The following CEP350 variants were observed in gnomAD, a reference collection of about 807,000 sequenced individuals.
The protein encoded by CEP350 is centrosome-associated protein 350.
CEP350 carries 126 observed loss-of-function variants against 331.8 expected under a neutral mutation model. The ratio of observed to expected loss-of-function variants is 0.38; its 90% confidence interval spans 0.33 to 0.44. The LOEUF is 0.44. Ranked by LOEUF, CEP350 falls within the 20% of genes least tolerant of loss-of-function variation. CEP350 has a pLI of 1.00. For missense variants in CEP350, 3,406 were observed against 3,634.6 expected (o/e 0.94, Z 1.62); for synonymous variants, 1,200 against 1,259.5 (o/e 0.95, Z 1.00).
chr1:180,012,020 A>G lies in CEP350; in HGVS notation c.1338A>G (p.Lys446=). 1 of 1,582,576 alleles carries G rather than the reference A, an allele frequency of 6.3e-7. No homozygotes were observed. The highest frequency in any genetic ancestry group is 8.6e-7 in the Non-Finnish European group (1 of 1,163,154). Residue 446 remains lysine (K), a synonymous_variant, in exon 9 of 38, where the codon AAA becomes AAG. Coordinates refer to ENST00000367607, the MANE Select transcript of CEP350 (RefSeq NM_014810.5). ...GACCTGCTCCCAGAATGGAGCCAAA[A>G]GAGCAAAGAACAGCATCAAGTGACA... is the stretch of plus-strand genomic sequence containing the variant. ...ILGPAPRMEP[K]EQRTASSDRG... is the part of the protein sequence containing the mutation.
At chr1:180,045,195 A>G (rs1374684709) in intron 21 of CEP350, among the ~76,000 whole-genome samples, 4 of 152,118 alleles carry the variant, frequency 2.6e-5, no homozygotes, top group African/African-American at 9.7e-5. Flanking sequence ...AACAAAAATT[A>G]GCCATGCGTG....
chr1:180,015,522 C>G (rs1430248960), intron 10 of CEP350, among the ~76,000 whole-genome samples: 1 of 152,148 alleles, frequency 6.6e-6, no homozygotes, highest in African/African-American at 2.4e-5. Context: ...GCGTGAGCCA[C>G]CGCTCCTGGC....
intron 30 of CEP350, among the ~76,000 whole-genome samples, chr1:180,083,720 A>C (rs2149094926): frequency 6.6e-6 from 1 of 152,334 alleles, no homozygotes; most frequent in African/African-American, 2.4e-5. Context: ...TTCCAGCTGC[A>C]TGTCTTACCA....
rs747227145 is a variant in CEP350, at chr1:180,056,258, G to A, written c.5262+1756G>A. 2.6e-4 allele frequency among the ~76,000 whole-genome samples: 39 copies of A among 152,176 alleles called. No individual in the cohort carries two copies. In the Middle Eastern group the frequency reaches 0.027, roughly 106 times the overall value. On this transcript the variant is annotated intron_variant, in intron 25 of 37. Coordinates refer to ENST00000367607, the MANE Select transcript of CEP350 (RefSeq NM_014810.5). The stretch of plus-strand genomic sequence containing the variant: ...TACTGCTTTCCATTGTTTATGTGGA[G>A]AGGTCAGTTATCTTAATCTTGTTCT...
intron 5 of CEP350, among the ~76,000 whole-genome samples, chr1:179,993,650 A>T (rs1280470766): frequency 8.9e-6 from 1 of 112,454 alleles, no homozygotes; most frequent in Non-Finnish European, 2.0e-5. Flanking sequence ...TCTTGAACTC[A>T]TGGGGTGGTC....
chr1:180,104,640 C>T (rs762704944), intron 37 of CEP350, among the ~76,000 whole-genome samples: 5 of 152,172 alleles, frequency 3.3e-5, no homozygotes, highest in Non-Finnish European at 5.9e-5. Flanking sequence ...TCTCTCACCT[C>T]TCTTTCTCAG....
rs1281416452 is a variant in CEP350 at position 180,093,140 on chromosome 1, A to G, written c.7035A>G (p.Gln2345=). ...ATATGAATCATAGTCCAAACATCCAATCAGGAAAAGACATTCACGAACAAA... is the reference window on the plus strand; with the variant it reads ...ATATGAATCATAGTCCAAACATCCAGTCAGGAAAAGACATTCACGAACAAA... The part of the protein sequence containing the change: ...DQDMNHSPNI[Q]SGKDIHEQKN... Residue 2345 remains glutamine (Q), a synonymous_variant, in exon 34 of 38, where the codon CAA becomes CAG. Transcript: ENST00000367607. 2 of 1,601,164 alleles carry G rather than the reference A, an allele frequency of 1.2e-6. No individual in the cohort carries two copies. The highest frequency in any genetic ancestry group is 2.2e-5 in the South Asian group (2 of 88,918).
rs1033208940 is a variant in CEP350 at position 180,044,571 on chromosome 1, A to G, written c.4622+398A>G. 7.3e-5 allele frequency among the ~76,000 whole-genome samples: 11 copies of G among 151,188 alleles called. No individual in the cohort carries two copies. The East Asian group carries it at 2.2e-3, about 30-fold the overall frequency. On this transcript the variant is annotated intron_variant, in intron 21 of 37. Transcript: ENST00000367607. ...AAACCATCATTCTCAGCAAACTATCACAAGGACAAAAAACCAAACACCGCA... is the reference window on the plus strand; with the variant it reads ...AAACCATCATTCTCAGCAAACTATCGCAAGGACAAAAAACCAAACACCGCA...
intron 26 of CEP350, among the ~76,000 whole-genome samples, chr1:180,062,707 T>A (rs1302139525): frequency 6.6e-6 from 1 of 152,220 alleles, no homozygotes; most frequent in African/African-American, 2.4e-5. Context: ...GGGGGCTGAG[T>A]GTGCTAGCTC....
In CEP350 at chr1:180,092,793, C is replaced by T. The variant is rs954809915; in HGVS notation, c.6688C>T (p.His2230Tyr). ...TTCTCTAGAAAATGTACCTGCATTA[C>T]ATCTTCTCAAAGAATTAAATGCCAC... The part of the protein sequence containing the change: ...GDSLENVPAL[H>Y]LLKELNATSR... Residue 2230 changes from histidine (H) to tyrosine (Y), a missense_variant, in exon 34 of 38, where the codon CAT (histidine) becomes TAT (tyrosine). Transcript: ENST00000367607. 1 of 1,575,792 alleles carries T rather than the reference C, an allele frequency of 6.3e-7. No individual in the cohort carries two copies. Among genetic ancestry groups the T allele is most frequent in the African/African-American group, 1.3e-5 (1 of 74,102 alleles).
intron 25 of CEP350, among the ~76,000 whole-genome samples, chr1:180,057,475 A>G (rs1571934649): frequency 6.8e-6 from 1 of 147,778 alleles, no homozygotes. Flanking sequence ...GTCTGCTTGT[A>G]TGTGGCCATG....
Position 180,094,446 on chromosome 1 carries a change from A to G in CEP350, c.8341A>G (p.Ile2781Val). ...QQIKKTRDEK[I>V]QLSNQELLGD... is the part of the protein sequence containing the mutation. The stretch of plus-strand genomic sequence containing the variant: ...AATCAAAAAAACCAGGGATGAGAAA[A>G]TCCAGCTTAGCAATCAGGAGCTTCT... The change falls in exon 34 of 38, where the codon ATC becomes GTC. Residue 2781 changes from isoleucine to valine, a missense_variant. Physicochemically the swap from Ile to Val is conservative, Grantham distance 29 (BLOSUM62 3). Transcript: ENST00000367607. The G allele has an allele frequency of 1.2e-6, 2 of 1,613,864 alleles. No homozygotes were observed. The highest frequency in any genetic ancestry group is 1.7e-6 in the Non-Finnish European group (2 of 1,179,820).
chr1:180,075,247 C>T, intron 28 of CEP350, 26 bp downstream of exon 28: 1 of 1,554,962 alleles, frequency 6.4e-7, no homozygotes, highest in Admixed American at 1.9e-5. Flanking sequence ...TCTGTTCACA[C>T]TACAAACTAA....
At chr1:180,025,244 G>T (rs1219030557) in intron 14 of CEP350, among the ~76,000 whole-genome samples, 1 of 151,876 alleles carries the variant, frequency 6.6e-6, no homozygotes, top group Non-Finnish European at 1.5e-5. Context: ...TTTGCAGTTG[G>T]TTTTTTAAAA....
chr1:179,976,307 C>G (rs1651866541), intron 1 of CEP350, among the ~76,000 whole-genome samples: 3 of 151,868 alleles, frequency 2.0e-5, no homozygotes, highest in Non-Finnish European at 4.4e-5. Context: ...AAGGACTGTT[C>G]ATAACAAAGT....
At chr1:180,087,849 C>A (rs1284203266) in intron 32 of CEP350, 132 bp downstream of exon 32, 2 of 995,000 alleles carry the variant, frequency 2.0e-6, no homozygotes, top group Non-Finnish European at 2.7e-6. Context: ...TTTTTAGTGT[C>A]AGTAAATTAA....
At position 180,036,926 on chromosome 1, in the gene CEP350, G is replaced by T; in HGVS notation, c.3947G>T (p.Gly1316Val). ...ATTTGACCATTGTCATGCCTTCCAG[G>T]TTCTAAGCGCTTTTCTCCTGCTGGC... ...TTTENMAPIP[G>V]SKRFSPAGLH... The change falls in exon 17 of 38, where the codon GGT becomes GTT. Residue 1316 changes from glycine (G) to valine (V), a missense_variant and splice_region_variant. Around this residue, in one of 5 missense-constraint regions of CEP350, gnomAD observed 1,857 missense variants for 1,909.2 expected, o/e 0.97. Coordinates refer to ENST00000367607, the MANE Select transcript of CEP350 (RefSeq NM_014810.5). 2.6e-6 allele frequency: 4 copies of T among 1,554,250 alleles called. No individual in the cohort carries two copies. Among genetic ancestry groups the T allele is most frequent in the Non-Finnish European group, 3.5e-6 (4 of 1,152,502 alleles).
At chr1:180,091,208 G>T (rs1232469824) in intron 33 of CEP350, among the ~76,000 whole-genome samples, 6 of 151,408 alleles carry the variant, frequency 4.0e-5, no homozygotes, top group African/African-American at 1.2e-4. Flanking sequence ...AGAGACGGGG[G>T]GGTCTCACCG....
At chr1:179,976,127 A>G (rs1651845682) in intron 1 of CEP350, among the ~76,000 whole-genome samples, 1 of 152,202 alleles carries the variant, frequency 6.6e-6, no homozygotes, top group African/African-American at 2.4e-5. Flanking sequence ...GGAAAATTGT[A>G]TTACTAGAAT....
Sources: gnomAD v4.1 joint callset for allele counts (sites outside exome capture counted in the v4.1 genomes callset) on GRCh38, gnomAD v4.1.1 for gene constraint, gnomAD v4.1.1 regional missense constraint, MANE v1.5 for transcripts, NCBI Gene and HGNC (gene_info 2026-07-23, HGNC 2026-07-21) for gene names.